Variants in LINGO2 observed in about 807,000 individuals in gnomAD.
The protein encoded by LINGO2 is leucine-rich repeat and immunoglobulin-like domain-containing nogo receptor-interacting protein 2.
LINGO2 carries 14 observed loss-of-function variants against 30.6 expected under a neutral mutation model. The observed-to-expected ratio is 0.46, with a 90% CI of 0.30 to 0.72. LINGO2 has a LOEUF of 0.72. Ranked by LOEUF, LINGO2 falls within the 30% of genes least tolerant of loss-of-function variation. The pLI is 0.07. For synonymous variants in LINGO2, 317 were observed against 288.5 expected (o/e 1.10, Z -1.00); for missense variants, 729 against 751.7 (o/e 0.97, Z 0.35).
At chr9:28,770,639 T>A in the LINGO2 span, among the ~76,000 whole-genome samples, 1 of 152,150 alleles carries the variant, frequency 6.6e-6, no homozygotes. Flanking sequence ...AATAACAAAG[T>A]GAATGATCAA....
At chr9:29,003,004 G>T in the LINGO2 span, among the ~76,000 whole-genome samples, 1 of 152,044 alleles carries the variant, frequency 6.6e-6, no homozygotes, top group Admixed American at 6.6e-5. Flanking sequence ...GTCCTTACAA[G>T]AAGAAGAGAA....
chr9:29,032,578 G>C, the LINGO2 span, among the ~76,000 whole-genome samples: 42 of 152,248 alleles, frequency 2.8e-4, no homozygotes, highest in Admixed American at 5.2e-4. Flanking sequence ...GTCTGAAAGT[G>C]AATGAAGTAA....
intron 4 of LINGO2, among the ~76,000 whole-genome samples, chr9:28,137,505 T>C (rs927417935): frequency 2.0e-5 from 3 of 152,098 alleles, no homozygotes; most frequent in African/African-American, 7.2e-5. Context: ...CACTCATATT[T>C]AGGGCCTAGA....
chr9:28,539,800 T>C (rs1821595273), intron 1 of LINGO2, among the ~76,000 whole-genome samples: 2 of 152,270 alleles, frequency 1.3e-5, no homozygotes, highest in East Asian at 3.9e-4. Context: ...CATGTTGCTG[T>C]CTCCTCCACA....
chr9:28,965,352 A>C, the LINGO2 span, among the ~76,000 whole-genome samples: 2 of 152,152 alleles, frequency 1.3e-5, no homozygotes, highest in African/African-American at 4.8e-5. Context: ...CTTTTAAAGG[A>C]AACAAATACT....
At chr9:28,483,399 C>T (rs1045791657) in intron 1 of LINGO2, among the ~76,000 whole-genome samples, 1 of 152,000 alleles carries the variant, frequency 6.6e-6, no homozygotes, top group Non-Finnish European at 1.5e-5. Flanking sequence ...ATTGGTGTGA[C>T]AGCTAGAGAT....
intron 4 of LINGO2, among the ~76,000 whole-genome samples, chr9:28,241,267 CAAAAAAA>C (rs1164724626): frequency 1.8e-4 from 15 of 83,604 alleles, no homozygotes; most frequent in African/African-American, 3.8e-4. Context: ...GACCCTGTCT[CAAAAAAA>C]AAAAAAAAAA....
chr9:28,639,568 T>C (rs1827469603), intron 1 of LINGO2, among the ~76,000 whole-genome samples: 1 of 152,192 alleles, frequency 6.6e-6, no homozygotes, highest in Non-Finnish European at 1.5e-5. Flanking sequence ...CCTTTACCAT[T>C]ATGTAATGGC....
chr9:28,749,790 C>G, the LINGO2 span, among the ~76,000 whole-genome samples: 2 of 151,870 alleles, frequency 1.3e-5, no homozygotes, highest in Non-Finnish European at 2.9e-5. Context: ...AGAATGAGTA[C>G]GTGAAAAGAG....
the LINGO2 span, among the ~76,000 whole-genome samples, chr9:28,939,440 A>G: frequency 1.3e-5 from 2 of 152,000 alleles, no homozygotes; most frequent in African/African-American, 2.4e-5. Context: ...ATTTTTTCAT[A>G]TACTTGACCA....
At chr9:29,032,722 G>T in the LINGO2 span, among the ~76,000 whole-genome samples, 1 of 152,106 alleles carries the variant, frequency 6.6e-6, no homozygotes, top group Non-Finnish European at 1.5e-5. Flanking sequence ...GTTGTCATTA[G>T]CCACATGTGA....
At chr9:28,760,202 ATAAT>A in the LINGO2 span, among the ~76,000 whole-genome samples, 1 of 152,114 alleles carries the variant, frequency 6.6e-6, no homozygotes, top group African/African-American at 2.4e-5. Flanking sequence ...AAACATTTGA[ATAAT>A]TATTAAAAAT....
At chr9:28,513,202 G>C (rs994013451) in intron 1 of LINGO2, among the ~76,000 whole-genome samples, 3 of 151,864 alleles carry the variant, frequency 2.0e-5, no homozygotes, top group African/African-American at 4.8e-5. Context: ...GGCAGATGTA[G>C]GTATTCACAC....
At chr9:29,008,546 A>G in the LINGO2 span, among the ~76,000 whole-genome samples, 428 of 152,216 alleles carry the variant, frequency 2.8e-3, 2 homozygotes, top group Middle Eastern at 6.8e-3. Context: ...CCCACCAACA[A>G]TGTAAAAGTG....
At chr9:28,797,484 T>C in the LINGO2 span, among the ~76,000 whole-genome samples, 1 of 150,866 alleles carries the variant, frequency 6.6e-6, no homozygotes, top group African/African-American at 2.4e-5. Context: ...CACTGTTAGA[T>C]ATTGGATGTA....
At chr9:28,968,145 A>G in the LINGO2 span, among the ~76,000 whole-genome samples, 1 of 152,214 alleles carries the variant, frequency 6.6e-6, no homozygotes, top group Non-Finnish European at 1.5e-5. Context: ...AAAATTTGCA[A>G]CATTTAACAG....
At chr9:28,526,042 C>G (rs1204328452) in intron 1 of LINGO2, among the ~76,000 whole-genome samples, 3 of 56,764 alleles carry the variant, frequency 5.3e-5, no homozygotes, top group Admixed American at 4.3e-4. Context: ...GGTGACAGAG[C>G]GAGACTCCGT....
chr9:28,141,093 T>G (rs1203215728), intron 4 of LINGO2, among the ~76,000 whole-genome samples: 1 of 152,150 alleles, frequency 6.6e-6, no homozygotes, highest in African/African-American at 2.4e-5. Flanking sequence ...TTGCCTCAGT[T>G]ATTCAATATA....
chr9:29,079,611 T>C, the LINGO2 span, among the ~76,000 whole-genome samples: 1 of 149,718 alleles, frequency 6.7e-6, no homozygotes, highest in Non-Finnish European at 1.5e-5. Context: ...TTCAAAATTA[T>C]GGCCATATAT....
Sources: allele counts gnomAD v4.1 joint callset (sites outside exome capture counted in the v4.1 genomes callset), GRCh38; gene constraint gnomAD v4.1.1; transcripts MANE v1.5; gene names NCBI Gene and HGNC (gene_info 2026-07-23, HGNC 2026-07-21).